Variants in VAV1 observed in about 807,000 individuals in gnomAD.
VAV1 encodes proto-oncogene vav.
VAV1 carries 33 observed loss-of-function variants against 128.1 expected under a neutral mutation model. That is an observed-to-expected ratio of 0.26 (90% CI 0.20 to 0.34). The LOEUF (loss-of-function observed/expected upper bound fraction) is 0.34. Ranked by LOEUF, VAV1 falls within the 10% of genes least tolerant of loss-of-function variation. VAV1 has a pLI of 1.00. For synonymous variants in VAV1, 394 were observed against 409.8 expected (o/e 0.96, Z 0.47); for missense variants, 715 against 1,093.7 (o/e 0.65, Z 4.88).
At chr19:6,819,671 C>G (rs1465750029) in intron 1 of VAV1, among the ~76,000 whole-genome samples, 1 of 152,112 alleles carries the variant, frequency 6.6e-6, no homozygotes, top group Non-Finnish European at 1.5e-5. Flanking sequence ...GACGAGTCTG[C>G]TTTAGGACTC....
chr19:6,852,743 A>C (rs1249543917), intron 24 of VAV1, among the ~76,000 whole-genome samples: 1 of 151,476 alleles, frequency 6.6e-6, no homozygotes, highest in Non-Finnish European at 1.5e-5. Flanking sequence ...AAAAGAAAGA[A>C]AGAACCTGTT....
chr19:6,798,588 G>C (rs1971192584), intron 1 of VAV1, among the ~76,000 whole-genome samples: 2 of 152,152 alleles, frequency 1.3e-5, no homozygotes, highest in Non-Finnish European at 2.9e-5. Context: ...AGGAAGTCGA[G>C]GCTGCAGTGA....
rs113339841 is a variant in VAV1 at position 6,834,152 on chromosome 19, AT to A, written c.1777+211del. ...AGGTGCACACCACCACGCCTAGCTA[AT>A]TTTTTTTTTTTAAATAGAGATGAGG... On this transcript the variant is annotated intron_variant, in intron 19 of 26. Coordinates refer to ENST00000602142, the MANE Select transcript of VAV1 (RefSeq NM_005428.4). 6.6e-3 allele frequency among the ~76,000 whole-genome samples: 973 copies of A among 147,634 alleles called. 10 individuals are homozygous for A. The highest frequency in any genetic ancestry group is 0.021 in the African/African-American group (861 of 40,382).
At chr19:6,792,011 A>AG (rs1377062934) in intron 1 of VAV1, among the ~76,000 whole-genome samples, 2 of 151,664 alleles carry the variant, frequency 1.3e-5, no homozygotes, top group African/African-American at 2.4e-5. Context: ...GTGGAACTTA[A>AG]GGGGGGGATG....
chr19:6,841,716 C>T (rs529419685), intron 21 of VAV1, among the ~76,000 whole-genome samples: 28 of 151,646 alleles, frequency 1.8e-4, no homozygotes, highest in Admixed American at 8.5e-4. Flanking sequence ...CCTCGTGATC[C>T]GCCTGCCTCG....
At chr19:6,793,100 C>T (rs1300014830) in intron 1 of VAV1, among the ~76,000 whole-genome samples, 5 of 151,900 alleles carry the variant, frequency 3.3e-5, no homozygotes, top group Non-Finnish European at 5.9e-5. Context: ...TTTGGGAGGC[C>T]GAGGCAGGTG....
rs199610931 is a variant in VAV1, at chr19:6,772,976, C to A, written c.169C>A (p.Leu57Met). Residue 57 changes from leucine to methionine, a missense_variant, in exon 1 of 27, where the codon CTG becomes ATG. This residue lies in a region of VAV1 where 302 missense variants were observed against 477.8 expected (regional missense o/e 0.63). Transcript: ENST00000602142. This position sits in a 1 kb window ranked among gnomAD's most constrained non-coding sequence, Gnocchi z 4.8. ...LNNLLPHAINLREVNLRPQMS... is the reference protein window; with the variant it reads ...LNNLLPHAINMREVNLRPQMS... The stretch of plus-strand genomic sequence containing the variant: ...CAACCTGCTACCCCATGCCATCAAC[C>A]TGCGTGAGGTCAACCTGCGCCCCCA... 1 of 1,614,022 alleles carries A rather than the reference C, an allele frequency of 6.2e-7. No homozygotes were observed. Among genetic ancestry groups the A allele is most frequent in the African/African-American group, 1.3e-5 (1 of 74,932 alleles).
At chr19:6,781,264 G>A (rs1238991385) in intron 1 of VAV1, among the ~76,000 whole-genome samples, 1 of 152,158 alleles carries the variant, frequency 6.6e-6, no homozygotes, top group Non-Finnish European at 1.5e-5. Flanking sequence ...CGAAGTGCTA[G>A]CCAATCTTTG....
At chr19:6,833,786 C>T (rs954514864) in intron 18 of VAV1, 53 bp downstream of exon 18, 43 of 1,613,618 alleles carry the variant, frequency 2.7e-5, no homozygotes, top group East Asian at 4.5e-5. Flanking sequence ...GGCAACAGCG[C>T]GGGGAGGACC....
At chr19:6,832,300 A>G (rs1244972407) in intron 15 of VAV1, 100 bp downstream of exon 15, 1 of 1,013,326 alleles carries the variant, frequency 9.9e-7, no homozygotes, top group African/African-American at 1.6e-5. Context: ...ATGCCATGGG[A>G]CCACTCTGAA....
intron 9 of VAV1, 90 bp from the exon 10 acceptor site, chr19:6,827,986 A>C: frequency 9.4e-7 from 1 of 1,065,392 alleles, no homozygotes; most frequent in East Asian, 2.4e-5. Context: ...AGAGCTGCTC[A>C]CGTATTTATT....
chr19:6,813,929 A>T (rs1004387862), intron 1 of VAV1, among the ~76,000 whole-genome samples: 4 of 152,082 alleles, frequency 2.6e-5, no homozygotes, highest in Admixed American at 6.6e-5. Context: ...GTATGATGGC[A>T]TATGCTTGTA....
At chr19:6,775,446 T>A (rs974989422) in intron 1 of VAV1, among the ~76,000 whole-genome samples, 4 of 152,168 alleles carry the variant, frequency 2.6e-5, no homozygotes, top group Admixed American at 1.3e-4. Context: ...ACAGTCCTAA[T>A]CCTCTGTAAC....
intron 1 of VAV1, among the ~76,000 whole-genome samples, chr19:6,807,807 A>G (rs1971427517): frequency 6.6e-6 from 1 of 151,728 alleles, no homozygotes; most frequent in African/African-American, 2.4e-5. Context: ...TCTGACCAAG[A>G]TGGTGAAACC....
Position 6,822,570 on chromosome 19 carries a change from G to A in VAV1, c.654+56G>A. The A allele has an allele frequency of 1.3e-6, 2 of 1,496,878 alleles. No homozygotes were observed. Among genetic ancestry groups the A allele is most frequent in the Non-Finnish European group, 1.8e-6 (2 of 1,110,920 alleles). The allele number at this position is 1,496,878 out of a possible 1,614,324, so 92.7% of individuals were successfully genotyped here. Reference sequence around the variant, plus strand: ...CGCATGCGCGGGAGCTGGGCCGGCAGGTGCACGTCCACCTGTCCGGCCGCT... The same window carrying A: ...CGCATGCGCGGGAGCTGGGCCGGCAAGTGCACGTCCACCTGTCCGGCCGCT... On this transcript the variant is annotated intron_variant, in intron 6 of 26. Coordinates refer to ENST00000602142, the MANE Select transcript of VAV1 (RefSeq NM_005428.4). This position sits in a 1 kb window ranked among gnomAD's most constrained non-coding sequence, Gnocchi z 5.9.
intron 22 of VAV1, among the ~76,000 whole-genome samples, chr19:6,847,054 C>T (rs1972541413): frequency 6.6e-6 from 1 of 151,798 alleles, no homozygotes; most frequent in Non-Finnish European, 1.5e-5. Context: ...GCTGGGATTA[C>T]AGGCGCCCGC....
chr19:6,780,112 A>ACAT (rs1555697910), intron 1 of VAV1, among the ~76,000 whole-genome samples: 3 of 127,530 alleles, frequency 2.4e-5, no homozygotes, highest in Non-Finnish European at 5.1e-5. Flanking sequence ...CTCTGTCTTA[A>ACAT]AATAATAATA....
At chr19:6,778,503 A>G (rs139409199) in intron 1 of VAV1, among the ~76,000 whole-genome samples, 173 of 152,194 alleles carry the variant, frequency 1.1e-3, no homozygotes, top group African/African-American at 4.0e-3. Context: ...CCTGGGTTCA[A>G]ATTCTGGTAC....
chr19:6,793,014 G>A (rs181871279), intron 1 of VAV1, among the ~76,000 whole-genome samples: 1 of 152,136 alleles, frequency 6.6e-6, no homozygotes, highest in East Asian at 1.9e-4. Context: ...TGGGATCTTG[G>A]GCAAGTTATC....
Sources: gnomAD v4.1 joint callset for allele counts (sites outside exome capture counted in the v4.1 genomes callset) on GRCh38, gnomAD v4.1.1 for gene constraint, gnomAD v4.1.1 regional missense constraint, Gnocchi (gnomAD v3.1) non-coding constraint, MANE v1.5 for transcripts, NCBI Gene and HGNC (gene_info 2026-07-23, HGNC 2026-07-21) for gene names.